The following DOCK3 variants were observed in gnomAD, a reference collection of about 807,000 sequenced individuals.
The protein encoded by DOCK3 is dedicator of cytokinesis 3, also known as dedicator of cytokinesis protein 3.
A neutral mutation model predicts 265.6 loss-of-function variants in DOCK3; 60 were observed. The ratio of observed to expected loss-of-function variants is 0.23; its 90% CI spans 0.18 to 0.28. DOCK3 has a LOEUF of 0.28. DOCK3 is among the 10% of genes least tolerant of loss of function. DOCK3 has a pLI of 1.00. For synonymous variants in DOCK3, 881 were observed against 938.0 expected (o/e 0.94, Z 1.11); for missense variants, 1,981 against 2,594.3 (o/e 0.76, Z 5.14).
At chr3:50,875,421 GAT>G (rs1392060548) in intron 3 of DOCK3, among the ~76,000 whole-genome samples, 1 of 152,030 alleles carries the variant, frequency 6.6e-6, no homozygotes, top group Non-Finnish European at 1.5e-5. Context: ...CCTTCAGTAT[GAT>G]ATTAGCTATG....
In DOCK3 at chr3:51,260,182, T is replaced by C; in HGVS notation, c.2211T>C (p.Ile737=). The change falls in exon 23 of 53, where the codon ATT becomes ATC. Residue 737 remains isoleucine (I), a synonymous_variant. Transcript: ENST00000266037. The stretch of plus-strand genomic sequence containing the variant: ...CCTTGGAGTACCTTTTCAAGTTCAT[T>C]GTACAGTCACGGATCCTGTACTCAC... ...MRALEYLFKF[I]VQSRILYSRA... is the part of the protein sequence containing the mutation. 6.2e-7 allele frequency: 1 copy of C among 1,613,506 alleles called. No homozygotes were observed. Among genetic ancestry groups the C allele is most frequent in the South Asian group, 1.1e-5 (1 of 91,006 alleles).
intron 4 of DOCK3, among the ~76,000 whole-genome samples, chr3:50,901,425 T>A (rs577293845): frequency 6.6e-6 from 1 of 152,162 alleles, no homozygotes; most frequent in South Asian, 2.1e-4. Context: ...GGGAATGAGA[T>A]CCACTGAGCT....
At position 50,993,227 on chromosome 3, in the gene DOCK3, C is replaced by T. The variant is rs547064128; in HGVS notation, c.315+59150C>T. On this transcript the variant is annotated intron_variant, in intron 5 of 52. Coordinates refer to ENST00000266037, the MANE Select transcript of DOCK3 (RefSeq NM_004947.5). ...ATATCTGTCCCCTTGGCTAAAAGAG[C>T]TGTTAAAACTGTGGTTTTGCCTGGA... 1.9e-4 allele frequency among the ~76,000 whole-genome samples: 29 copies of T among 152,298 alleles called. No individual in the cohort carries two copies. In the South Asian group the frequency reaches 5.6e-3, roughly 29 times the overall value.
chr3:50,741,145 T>TA (rs2038995585), intron 1 of DOCK3, among the ~76,000 whole-genome samples: 1 of 151,276 alleles, frequency 6.6e-6, no homozygotes, highest in African/African-American at 2.4e-5. Flanking sequence ...ATATATATAT[T>TA]ATATATATGT....
chr3:50,990,741 G>A (rs527894776), intron 5 of DOCK3, among the ~76,000 whole-genome samples: 2 of 152,314 alleles, frequency 1.3e-5, no homozygotes, highest in South Asian at 4.1e-4. Flanking sequence ...AGGGCAGAAA[G>A]CATCCAGCAT....
intron 27 of DOCK3, among the ~76,000 whole-genome samples, chr3:51,305,760 G>GTGTT (rs57809294): frequency 1.4e-5 from 2 of 140,086 alleles, no homozygotes; most frequent in African/African-American, 5.3e-5. Flanking sequence ...GTGTGTGTGT[G>GTGTT]TTTTTATTAT....
chr3:50,967,782 C>T (rs889015903), intron 5 of DOCK3, among the ~76,000 whole-genome samples: 1 of 152,110 alleles, frequency 6.6e-6, no homozygotes, highest in East Asian at 1.9e-4. Context: ...ATGGGGGAAC[C>T]ACCCCCATGA....
chr3:50,917,548 T>A (rs899678669), intron 4 of DOCK3, among the ~76,000 whole-genome samples: 1 of 152,126 alleles, frequency 6.6e-6, no homozygotes. Flanking sequence ...TAGATGATTA[T>A]GCTCACCCCT....
chr3:50,810,442 T>C (rs565049239), intron 2 of DOCK3, among the ~76,000 whole-genome samples: 8 of 152,098 alleles, frequency 5.3e-5, no homozygotes, highest in African/African-American at 1.9e-4. Flanking sequence ...TCCCGGCTAC[T>C]TGGGAGGCTA....
chr3:51,292,611 A>C (rs535284868), intron 27 of DOCK3, among the ~76,000 whole-genome samples: 1 of 152,314 alleles, frequency 6.6e-6, no homozygotes, highest in African/African-American at 2.4e-5. Flanking sequence ...CTCTCTACAA[A>C]AATAAAGAAG....
intron 12 of DOCK3, among the ~76,000 whole-genome samples, chr3:51,203,696 T>C (rs938611673): frequency 1.1e-4 from 16 of 152,126 alleles, no homozygotes; most frequent in South Asian, 2.1e-4. Context: ...AAAAAGAGCC[T>C]GCATTGCCAA....
At chr3:50,757,359 G>T (rs771269606) in intron 1 of DOCK3, among the ~76,000 whole-genome samples, 1 of 150,854 alleles carries the variant, frequency 6.6e-6, no homozygotes, top group African/African-American at 2.4e-5. Context: ...TTTAGTAGAG[G>T]CAGGATTTCA....
chr3:51,288,474 CA>C (rs2081541205), intron 27 of DOCK3, among the ~76,000 whole-genome samples: 1 of 151,110 alleles, frequency 6.6e-6, no homozygotes, highest in African/African-American at 2.4e-5. Flanking sequence ...GGGTGAGGAT[CA>C]AAAAACTACC....
chr3:50,826,167 T>C (rs542546347), intron 2 of DOCK3, among the ~76,000 whole-genome samples: 109 of 152,190 alleles, frequency 7.2e-4, no homozygotes, highest in African/African-American at 2.6e-3. Context: ...TTTTGTAAGT[T>C]GCTAAGCCTT....
chr3:50,996,580 T>A (rs936806123), intron 5 of DOCK3, among the ~76,000 whole-genome samples: 1 of 152,156 alleles, frequency 6.6e-6, no homozygotes, highest in African/African-American at 2.4e-5. Context: ...AACCCCATTA[T>A]TTCTATCTCC....
intron 1 of DOCK3, among the ~76,000 whole-genome samples, chr3:50,733,309 G>T (rs1333557076): frequency 6.6e-6 from 1 of 152,078 alleles, no homozygotes; most frequent in Admixed American, 6.6e-5. Context: ...TCTGTCCATT[G>T]TTGAAAGTGG....
chr3:50,787,993 C>T (rs1036027992), intron 2 of DOCK3: 1 of 811,700 alleles, frequency 1.2e-6, no homozygotes, highest in African/African-American at 1.7e-5. Context: ...CATCAGAATT[C>T]TCCTGGTCTT....
At chr3:50,838,892 T>G (rs1238103825) in intron 2 of DOCK3, among the ~76,000 whole-genome samples, 3 of 152,218 alleles carry the variant, frequency 2.0e-5, no homozygotes, top group African/African-American at 4.8e-5. Context: ...TGGCAAAGCT[T>G]GTAGCAGAGT....
At position 51,355,460 on chromosome 3, in the gene DOCK3, G is replaced by A. The variant is rs956139329; in HGVS notation, c.4249+437G>A. On this transcript the variant is annotated intron_variant, in intron 41 of 52. Transcript: ENST00000266037. The stretch of plus-strand genomic sequence containing the variant: ...TTGTTGTCCCTTCTCTTCATCAGGC[G>A]GACTGGGGCAGGGCCCAAGGATGTG... Among the ~76,000 whole-genome samples, 12 of 152,148 alleles carry A rather than the reference G, an allele frequency of 7.9e-5. No individual in the cohort carries two copies. In the South Asian group the frequency reaches 8.3e-4, roughly 11 times the overall value.
Sources: gnomAD v4.1 joint callset for allele counts (sites outside exome capture counted in the v4.1 genomes callset) on GRCh38, gnomAD v4.1.1 for gene constraint, MANE v1.5 for transcripts, NCBI Gene and HGNC (gene_info 2026-07-23, HGNC 2026-07-21) for gene names.